Variants in FAF1 observed in about 807,000 individuals in gnomAD.
The protein encoded by FAF1 is FAS-associated factor 1.
A neutral mutation model predicts 92.5 loss-of-function variants in FAF1; 25 were observed. The ratio of observed to expected loss-of-function variants is 0.27; its 90% CI spans 0.20 to 0.38. The LOEUF is 0.38. Among genes scored for constraint, FAF1 ranks in the 10% least tolerant of loss-of-function variants. The pLI, the probability that FAF1 is intolerant of heterozygous loss-of-function variation, is 1.00. For missense variants in FAF1, 636 were observed against 793.3 expected (o/e 0.80, Z 2.38); for synonymous variants, 234 against 273.2 (o/e 0.86, Z 1.42).
intron 8 of FAF1, among the ~76,000 whole-genome samples, chr1:50,598,602 C>T (rs969912692): frequency 3.3e-5 from 5 of 151,580 alleles, no homozygotes; most frequent in African/African-American, 1.2e-4. Flanking sequence ...TGAGTGAATA[C>T]TCAAAGTCCA....
chr1:50,721,371 C>A (rs951684826), intron 6 of FAF1, among the ~76,000 whole-genome samples: 24 of 151,844 alleles, frequency 1.6e-4, no homozygotes, highest in African/African-American at 5.8e-4. Flanking sequence ...CGCACCACTA[C>A]GCCCAGCTAA....
chr1:50,612,593 T>G (rs565303112), intron 8 of FAF1: 1 of 440,522 alleles, frequency 2.3e-6, no homozygotes, highest in East Asian at 1.6e-4. Flanking sequence ...GGATAGCAAA[T>G]ATAAGAGCTC....
At chr1:50,846,950 C>A (rs1570044747) in intron 2 of FAF1, 1 of 228,160 alleles carries the variant, frequency 4.4e-6, no homozygotes, top group Non-Finnish European at 8.5e-6. Flanking sequence ...GAGTGTATTG[C>A]AGGTGCTGTT....
chr1:50,477,074 G>A (rs1646647823), intron 17 of FAF1, among the ~76,000 whole-genome samples: 1 of 152,210 alleles, frequency 6.6e-6, no homozygotes, highest in South Asian at 2.1e-4. Flanking sequence ...AGTTTGCTCA[G>A]ACACAAGTAT....
chr1:50,547,655 C>T (rs1397276512), intron 13 of FAF1, among the ~76,000 whole-genome samples: 1 of 152,098 alleles, frequency 6.6e-6, no homozygotes, highest in Non-Finnish European at 1.5e-5. Flanking sequence ...CTCAGGTGAT[C>T]CACCTGCCTC....
chr1:50,796,766 C>T (rs1661766588), intron 3 of FAF1, among the ~76,000 whole-genome samples: 2 of 152,220 alleles, frequency 1.3e-5, no homozygotes, highest in African/African-American at 4.8e-5. Context: ...TCTCAGTATC[C>T]CTTTTCTGAT....
chr1:50,636,757 T>A (rs1440924304), intron 8 of FAF1, among the ~76,000 whole-genome samples: 3 of 152,198 alleles, frequency 2.0e-5, no homozygotes, highest in Non-Finnish European at 4.4e-5. Flanking sequence ...TTTAGTGTCC[T>A]CTCTCAGAAA....
chr1:50,760,536 T>C (rs1334364165), intron 4 of FAF1, among the ~76,000 whole-genome samples: 1 of 152,182 alleles, frequency 6.6e-6, no homozygotes, highest in South Asian at 2.1e-4. Context: ...AAGAAACTCA[T>C]TTAAAACTGC....
chr1:50,700,551 C>T (rs1308968356), intron 7 of FAF1, among the ~76,000 whole-genome samples: 1 of 152,050 alleles, frequency 6.6e-6, no homozygotes, highest in African/African-American at 2.4e-5. Flanking sequence ...CAGTATTGGT[C>T]ACCAGTGCAA....
intron 1 of FAF1, among the ~76,000 whole-genome samples, chr1:50,947,054 T>G (rs1333842576): frequency 6.6e-6 from 1 of 152,214 alleles, no homozygotes; most frequent in African/African-American, 2.4e-5. Flanking sequence ...CTGTAAAGAT[T>G]AGATGTTAAG....
chr1:50,940,537 G>A (rs1347076641), intron 1 of FAF1, among the ~76,000 whole-genome samples: 3 of 152,150 alleles, frequency 2.0e-5, no homozygotes, highest in Admixed American at 1.3e-4. Context: ...TGGGATTATA[G>A]GCATGAGCCA....
intron 6 of FAF1, among the ~76,000 whole-genome samples, chr1:50,721,170 A>T (rs1174915385): frequency 6.8e-6 from 1 of 147,812 alleles, no homozygotes; most frequent in Non-Finnish European, 1.5e-5. Flanking sequence ...ACTTTGGGAA[A>T]TTTTTTTTTT....
intron 13 of FAF1, among the ~76,000 whole-genome samples, chr1:50,558,364 A>G (rs1279541838): frequency 6.6e-6 from 1 of 152,152 alleles, no homozygotes; most frequent in Non-Finnish European, 1.5e-5. Flanking sequence ...ATTTGCATAT[A>G]ACTATACATG....
chr1:50,617,190 G>A (rs1652953046), intron 8 of FAF1, among the ~76,000 whole-genome samples: 1 of 152,176 alleles, frequency 6.6e-6, no homozygotes, highest in African/African-American at 2.4e-5. Flanking sequence ...AATAGGAGTG[G>A]TGAGAGTAGG....
chr1:50,619,048 C>T (rs1653068196), intron 8 of FAF1, among the ~76,000 whole-genome samples: 3 of 152,188 alleles, frequency 2.0e-5, no homozygotes, highest in African/African-American at 7.2e-5. Context: ...TGAGCCAGCA[C>T]ACCTGGCCCC....
intron 8 of FAF1, among the ~76,000 whole-genome samples, chr1:50,629,876 T>C (rs1653682103): frequency 6.6e-6 from 1 of 152,014 alleles, no homozygotes. Flanking sequence ...CTGACCAACA[T>C]GGAGAAACCC....
At chr1:50,937,713 C>T (rs1645099089) in intron 1 of FAF1, among the ~76,000 whole-genome samples, 1 of 152,020 alleles carries the variant, frequency 6.6e-6, no homozygotes, top group African/African-American at 2.4e-5. Context: ...TTCTATATTC[C>T]TTTATTGTTA....
intron 18 of FAF1, among the ~76,000 whole-genome samples, chr1:50,466,304 C>T (rs1426729488): frequency 6.6e-6 from 1 of 152,118 alleles, no homozygotes; most frequent in Admixed American, 6.5e-5. Context: ...AAGAATGAAG[C>T]TGCCATTTAA....
intron 18 of FAF1, 134 bp from the exon 19 acceptor site, chr1:50,441,657 T>C (rs1024820967): frequency 8.5e-6 from 4 of 468,108 alleles, no homozygotes; most frequent in Non-Finnish European, 1.5e-5. Context: ...TCTTAGTTGA[T>C]CTTCAAAATA....
Sources: allele counts gnomAD v4.1 joint callset (sites outside exome capture counted in the v4.1 genomes callset), GRCh38; gene constraint gnomAD v4.1.1; transcripts MANE v1.5; gene names NCBI Gene and HGNC (gene_info 2026-07-23, HGNC 2026-07-21).